The following SDSL variants were observed in gnomAD, a reference collection of about 807,000 sequenced individuals.
SDSL encodes serine dehydratase like, also known as serine dehydratase-like.
A neutral mutation model predicts 27.6 loss-of-function variants in SDSL; 26 were observed. The ratio of observed to expected loss-of-function variants is 0.94; its 90% CI spans 0.69 to 1.31. SDSL has a LOEUF of 1.31. Ranked by LOEUF, SDSL falls within the 50% of genes most tolerant of loss-of-function variation. The pLI is 0.00. For synonymous variants in SDSL, 196 were observed against 180.6 expected (o/e 1.09, Z -0.69); for missense variants, 431 against 423.5 (o/e 1.02, Z -0.16).
intron 1 of SDSL, among the ~76,000 whole-genome samples, chr12:113,424,739 CTCTT>C (rs1246957375): frequency 6.6e-6 from 1 of 151,006 alleles, no homozygotes; most frequent in Non-Finnish European, 1.5e-5. Flanking sequence ...CTCTCTCTCT[CTCTT>C]TTTTTTTTTT....
chr12:113,431,640 C>T (rs866861964), intron 4 of SDSL, among the ~76,000 whole-genome samples: 18 of 150,328 alleles, frequency 1.2e-4, no homozygotes, highest in Middle Eastern at 3.5e-3. Context: ...GTGGCATGAT[C>T]TTGGCTCACT....
rs754943183 is a variant in SDSL, at chr12:113,438,072, A to C, written c.983A>C (p.Gln328Pro). The C allele has an allele frequency of 8.7e-6, 14 of 1,613,274 alleles. No individual in the cohort carries two copies. The South Asian group carries it at 1.4e-4, about 16-fold the overall frequency. ...ELQALKTHLG[Q>P]V ...CAGGCTTTGAAAACCCACCTGGGCC[A>C]GGTCTGAGGGGTCCCATCCTGGCCC... Residue 328 changes from glutamine (Q) to proline (P), a missense_variant, in exon 8 of 8, where the codon CAG (glutamine) becomes CCG (proline). By Grantham distance (76) the Gln-to-Pro change is moderately conservative. Transcript: ENST00000403593.
At position 113,432,868 on chromosome 12, in the gene SDSL, G is replaced by A. The variant is rs146036752; in HGVS notation, c.355-1266G>A. Reference sequence around the variant, plus strand: ...GGACATGATCTTTTTTTGTGGCTGCGTAGTGTTCCATGATGTATATGCACC... The same window carrying A: ...GGACATGATCTTTTTTTGTGGCTGCATAGTGTTCCATGATGTATATGCACC... On this transcript the variant is annotated intron_variant, in intron 4 of 7. Transcript: ENST00000403593. Among the ~76,000 whole-genome samples, 9 of 152,250 alleles carry A rather than the reference G, an allele frequency of 5.9e-5. No homozygotes were observed. The East Asian group carries it at 1.4e-3, about 23-fold the overall frequency.
chr12:113,424,879 G>A (rs1370104437), intron 1 of SDSL, among the ~76,000 whole-genome samples: 1 of 152,024 alleles, frequency 6.6e-6, no homozygotes, highest in Non-Finnish European at 1.5e-5. Context: ...GGGACTACAG[G>A]TGTGCACCAC....
At chr12:113,436,528 A>G (rs1957996149) in intron 6 of SDSL, among the ~76,000 whole-genome samples, 1 of 152,132 alleles carries the variant, frequency 6.6e-6, no homozygotes, top group South Asian at 2.1e-4. Flanking sequence ...ACCTCAGGTG[A>G]TCTGCCCACC....
intron 1 of SDSL, among the ~76,000 whole-genome samples, chr12:113,426,570 C>T (rs143934917): frequency 1.9e-4 from 29 of 152,138 alleles, no homozygotes; most frequent in African/African-American, 7.0e-4. Context: ...AAAATTAGCC[C>T]ACTTTAAGTA....
chr12:113,437,024 T>C, intron 7 of SDSL, 149 bp downstream of exon 7: 5 of 689,728 alleles, frequency 7.2e-6, no homozygotes, highest in Non-Finnish European at 1.1e-5. Context: ...GTCGAGTAGA[T>C]GGAAGGGGGT....
At chr12:113,425,735 G>A in intron 1 of SDSL, 1 of 455,972 alleles carries the variant, frequency 2.2e-6, no homozygotes, top group Non-Finnish European at 4.4e-6. Flanking sequence ...GCTCACGGAT[G>A]TAGTCCCAGC....
intron 4 of SDSL, 33 bp from the exon 5 acceptor site, chr12:113,434,101 C>T (rs372159131): frequency 1.8e-5 from 29 of 1,588,526 alleles, no homozygotes; most frequent in Admixed American, 8.5e-5. Context: ...GTCCCACTCC[C>T]GGCTGTTCTG....
At position 113,436,744 on chromosome 12, in the gene SDSL, C is replaced by A. The variant is rs764520284; in HGVS notation, c.672-7C>A. The A allele has an allele frequency of 6.2e-7, 1 of 1,602,584 alleles. No homozygotes were observed. The highest frequency in any genetic ancestry group is 8.5e-7 in the Non-Finnish European group (1 of 1,177,318). ...GTCTCCCTGCCCCACCCTGCTCTAT[C>A]CTGCAGTGTGGCCAAGAGCCTGGGT... is the stretch of plus-strand genomic sequence containing the variant. On this transcript the variant is annotated splice_polypyrimidine_tract_variant and splice_region_variant and intron_variant, in intron 6 of 7. Coordinates refer to ENST00000403593, the MANE Select transcript of SDSL (RefSeq NM_001304993.2).
chr12:113,425,822 T>C, intron 1 of SDSL: 1 of 415,036 alleles, frequency 2.4e-6, no homozygotes, highest in South Asian at 1.7e-5. Flanking sequence ...ACCCCGTCTC[T>C]ACAAAAAATA....
Position 113,435,358 on chromosome 12 carries a change from T to G in SDSL, c.473T>G (p.Leu158Arg), listed in dbSNP as rs748669958. 6.4e-7 allele frequency: 1 copy of G among 1,573,190 alleles called. No homozygotes were observed. Among genetic ancestry groups the G allele is most frequent in the East Asian group, 2.3e-5 (1 of 43,160 alleles). The part of the protein sequence containing the change: ...WKGHASLVQE[L>R]KAVLRTPPGA... ...GGCCACGCCAGCCTGGTGCAGGAGC[T>G]GAAAGCAGTGCTGAGGACCCCACCA... The change falls in exon 6 of 8, where the codon CTG becomes CGG. Residue 158 changes from leucine to arginine, a missense_variant. Leu to Arg is a moderately radical substitution (Grantham distance 102). Transcript: ENST00000403593.
intron 6 of SDSL, among the ~76,000 whole-genome samples, chr12:113,436,106 T>C (rs930021145): frequency 2.0e-5 from 3 of 152,162 alleles, no homozygotes; most frequent in Admixed American, 6.6e-5. Context: ...TGCTCCAGCC[T>C]GGGAAACTTA....
At chr12:113,426,944 C>T (rs1957857520) in intron 1 of SDSL, among the ~76,000 whole-genome samples, 1 of 151,754 alleles carries the variant, frequency 6.6e-6, no homozygotes, top group Non-Finnish European at 1.5e-5. Context: ...GTCTCAAAAA[C>T]ACAAGTTCTT....
intron 4 of SDSL, among the ~76,000 whole-genome samples, chr12:113,430,018 T>A (rs183705661): frequency 1.6e-4 from 22 of 137,944 alleles, no homozygotes; most frequent in African/African-American, 4.0e-4. Context: ...TCATTCTTTC[T>A]CTCCTTCCTT....
rs775081354 is a variant in SDSL at position 113,429,227 on chromosome 12, C to A, written c.282C>A (p.Leu94=). 1.9e-6 allele frequency: 3 copies of A among 1,613,852 alleles called. No individual in the cohort carries two copies. In the Admixed American group the frequency reaches 5.0e-5, roughly 27 times the overall value. Reference sequence around the variant, plus strand: ...TGGGCATTCCTGCCACCATCGTGCTCCCCGAGAGCACCTCCCTGCAGGTGG... The same window carrying A: ...TGGGCATTCCTGCCACCATCGTGCTACCCGAGAGCACCTCCCTGCAGGTGG... ...RKLGIPATIV[L]PESTSLQVVQ... Residue 94 remains leucine, a synonymous_variant, in exon 4 of 8, where the codon CTC becomes CTA. Transcript: ENST00000403593.
intron 1 of SDSL, among the ~76,000 whole-genome samples, chr12:113,425,394 C>A (rs911962204): frequency 1.3e-5 from 2 of 152,122 alleles, no homozygotes; most frequent in African/African-American, 4.8e-5. Flanking sequence ...GCTATTCTGA[C>A]AAGGGCGTGG....
At chr12:113,429,819 A>G (rs1342124550) in intron 4 of SDSL, among the ~76,000 whole-genome samples, 2 of 152,162 alleles carry the variant, frequency 1.3e-5, no homozygotes, top group Non-Finnish European at 2.9e-5. Flanking sequence ...AGATTTTTAA[A>G]CCTCTCGAAA....
At chr12:113,431,178 T>G (rs1290396393) in intron 4 of SDSL, among the ~76,000 whole-genome samples, 8 of 152,330 alleles carry the variant, frequency 5.3e-5, no homozygotes, top group African/African-American at 1.9e-4. Context: ...GCATTCAGGC[T>G]GAGCCCAGCG....
Sources: gnomAD v4.1 joint callset for allele counts (sites outside exome capture counted in the v4.1 genomes callset) on GRCh38, gnomAD v4.1.1 for gene constraint, MANE v1.5 for transcripts, NCBI Gene and HGNC (gene_info 2026-07-23, HGNC 2026-07-21) for gene names.